PICALM: variants seen among roughly 807,000 people sequenced by gnomAD.
PICALM encodes phosphatidylinositol-binding clathrin assembly protein.
A neutral mutation model predicts 80.5 loss-of-function variants in PICALM; 40 were observed. The observed-to-expected ratio is 0.50, with a 90% CI of 0.39 to 0.65. The LOEUF (loss-of-function observed/expected upper bound fraction) is 0.65, where lower values mean the gene tolerates loss of function less well. PICALM is among the 30% of genes least tolerant of loss of function. The pLI is 0.00. For synonymous variants in PICALM, 288 were observed against 260.3 expected, an observed-to-expected ratio of 1.11 and a Z score of -1.02; for missense variants, 676 against 778.9, an observed-to-expected ratio of 0.87 and a Z score of 1.57.
chr11:85,983,838 T>C, intron 14 of PICALM, 28 bp downstream of exon 14: 1 of 901,264 alleles, frequency 1.1e-6, no homozygotes, highest in Non-Finnish European at 1.8e-6. Context: ...GACATTATAA[T>C]ATTTTTAATA....
intron 8 of PICALM, among the ~76,000 whole-genome samples, chr11:86,004,974 T>G (rs1237135616): frequency 1.3e-5 from 2 of 152,204 alleles, no homozygotes; most frequent in Admixed American, 1.3e-4. Flanking sequence ...TCAGAGATGA[T>G]AAGGAGGATG....
chr11:86,062,945 G>A (rs1013718535), intron 1 of PICALM, among the ~76,000 whole-genome samples: 3 of 152,216 alleles, frequency 2.0e-5, no homozygotes, highest in African/African-American at 7.2e-5. Context: ...TACTTTGAAA[G>A]TCTAAGGCTA....
At chr11:85,967,627 G>T (rs1306659329) in intron 19 of PICALM, among the ~76,000 whole-genome samples, 1 of 152,206 alleles carries the variant, frequency 6.6e-6, no homozygotes, top group African/African-American at 2.4e-5. Context: ...AAGGCAAAAA[G>T]CCTTCTTCAC....
intron 11 of PICALM, among the ~76,000 whole-genome samples, chr11:85,999,619 A>G (rs1320615508): frequency 6.6e-6 from 1 of 152,246 alleles, no homozygotes; most frequent in Non-Finnish European, 1.5e-5. Context: ...CTAAGATTTC[A>G]GGGAGCAGGT....
At chr11:86,003,597 G>C in intron 8 of PICALM, 146 bp from the exon 9 acceptor site, 1 of 415,750 alleles carries the variant, frequency 2.4e-6, no homozygotes, top group Non-Finnish European at 4.2e-6. Flanking sequence ...TACTTAATAA[G>C]AATGACAATC....
At chr11:85,975,571 T>C (rs946204220) in intron 18 of PICALM, among the ~76,000 whole-genome samples, 3 of 149,008 alleles carry the variant, frequency 2.0e-5, no homozygotes, top group South Asian at 2.1e-4. Context: ...TTTAAGTTTA[T>C]GGCCTGAGTT....
rs910328990 is a variant in PICALM, at chr11:85,974,689, T to C, written c.1944+19A>G. ...TCCAAATCAAACACATTACCACAGT[T>C]ACATGTAGTGTGTAATACCTGTGCT... is the stretch of plus-strand genomic sequence containing the variant. On this transcript the variant is annotated intron_variant, in intron 19 of 19. Coordinates refer to ENST00000393346, the MANE Select transcript of PICALM (RefSeq NM_007166.4). The C allele has an allele frequency of 9.8e-6, 14 of 1,425,824 alleles. No homozygotes were observed. The highest frequency in any genetic ancestry group is 1.3e-5 in the Non-Finnish European group (13 of 1,008,168). The allele number at this position is 1,425,824 out of a possible 1,614,324, so 88.3% of individuals were successfully genotyped here.
chr11:85,996,833 T>G lies in PICALM; in HGVS notation c.1251A>C (p.Thr417=), dbSNP rs1389338711. 1 of 1,582,742 alleles carries G rather than the reference T, an allele frequency of 6.3e-7. No homozygotes were observed. The highest frequency in any genetic ancestry group is 1.3e-5 in the African/African-American group (1 of 74,254). The part of the protein sequence containing the change: ...PMSTASQVAS[T]WGDPFSATVD... ...GAATTCATCAATGCTTACCTCCCCA[T>G]GTACTTGCTACCTGAGAAGCAGTTG... Residue 417 remains threonine (T), a synonymous_variant, in exon 12 of 20, where the codon ACA becomes ACC. Transcript: ENST00000393346.
At chr11:85,970,834 G>GT (rs2094083892) in intron 19 of PICALM, among the ~76,000 whole-genome samples, 1 of 152,160 alleles carries the variant, frequency 6.6e-6, no homozygotes, top group Admixed American at 6.5e-5. Flanking sequence ...CTCCCTAAAT[G>GT]TTTGAGTATG....
chr11:86,009,168 C>T (rs576075976), intron 7 of PICALM, among the ~76,000 whole-genome samples: 1 of 150,936 alleles, frequency 6.6e-6, no homozygotes, highest in Admixed American at 6.6e-5. Context: ...TGGCGGGCAC[C>T]TGTAATCCCA....
In PICALM at chr11:86,001,064, C is replaced by G; in HGVS notation, c.988G>C (p.Glu330Gln). The G allele has an allele frequency of 6.2e-7, 1 of 1,614,144 alleles. No individual in the cohort carries two copies. The highest frequency in any genetic ancestry group is 8.5e-7 in the Non-Finnish European group (1 of 1,179,980). The change falls in exon 10 of 20, where the codon GAA becomes CAA. Residue 330 changes from glutamate (E) to glutamine (Q), a missense_variant. Glu to Gln is a conservative substitution (Grantham distance 29). Coordinates refer to ENST00000393346, the MANE Select transcript of PICALM (RefSeq NM_007166.4). ...AAAGCTTTCAAACGTGCCTGTTCTT[C>G]CTCTAATGCTGCCTGCTTTTCCCTT... The part of the protein sequence containing the change: ...DEREKQAALE[E>Q]EQARLKALKE...
At chr11:85,974,591 C>T in intron 19 of PICALM, 117 bp downstream of exon 19, 1 of 752,030 alleles carries the variant, frequency 1.3e-6, no homozygotes, top group Non-Finnish European at 2.5e-6. Flanking sequence ...AAGCAATATC[C>T]ATAATGAAGG....
chr11:86,049,985 A>C (rs2096152371), intron 1 of PICALM, among the ~76,000 whole-genome samples: 1 of 151,840 alleles, frequency 6.6e-6, no homozygotes, highest in Non-Finnish European at 1.5e-5. Flanking sequence ...GGATCACCTG[A>C]AGTCAGGAGT....
At position 86,026,522 on chromosome 11, in the gene PICALM, A is replaced by G. The variant is rs573372710; in HGVS notation, c.274-155T>C. ...TTTCCATTAACTAGTTACCAAACCTAAAAACATAATACATATTTTTCACTA... is the reference window on the plus strand; with the variant it reads ...TTTCCATTAACTAGTTACCAAACCTGAAAACATAATACATATTTTTCACTA... On this transcript the variant is annotated intron_variant, in intron 2 of 19. Coordinates refer to ENST00000393346, the MANE Select transcript of PICALM (RefSeq NM_007166.4). Among the ~76,000 whole-genome samples, 80 of 152,344 alleles carry G rather than the reference A, an allele frequency of 5.3e-4. 2 individuals are homozygous for G. The highest frequency in any genetic ancestry group is 1.7e-3 in the African/African-American group (72 of 41,588).
At chr11:86,008,183 C>CA (rs991704888) in intron 7 of PICALM, among the ~76,000 whole-genome samples, 4 of 151,896 alleles carry the variant, frequency 2.6e-5, no homozygotes, top group African/African-American at 7.3e-5. Context: ...CAATTTCCAG[C>CA]AAAAAAAGAT....
intron 1 of PICALM, among the ~76,000 whole-genome samples, chr11:86,035,362 G>A (rs2095822704): frequency 6.6e-6 from 1 of 152,124 alleles, no homozygotes; most frequent in Admixed American, 6.5e-5. Flanking sequence ...AGTGGCCTGT[G>A]CCATCAGAAT....
chr11:85,981,034 C>G (rs139710547), intron 17 of PICALM, 95 bp downstream of exon 17: 1 of 676,718 alleles, frequency 1.5e-6, no homozygotes, highest in African/African-American at 1.8e-5. Context: ...AGTAACAATC[C>G]TTCTATTTAT....
intron 1 of PICALM, among the ~76,000 whole-genome samples, chr11:86,040,533 G>T (rs888682156): frequency 1.3e-5 from 2 of 152,032 alleles, no homozygotes; most frequent in African/African-American, 4.8e-5. Flanking sequence ...TCTTTCATAT[G>T]TATTCTAACT....
rs2094511780 is a variant in PICALM at position 85,983,976 on chromosome 11, G to A, written c.1409-3C>T. 6.9e-7 allele frequency: 1 copy of A among 1,444,264 alleles called. No individual in the cohort carries two copies. Among genetic ancestry groups the A allele is most frequent in the Non-Finnish European group, 9.7e-7 (1 of 1,034,616 alleles). 89.5% of individuals were successfully genotyped at this position (1,444,264 alleles called of 1,614,324 possible). A position where few individuals can be genotyped will look rare whatever the true frequency, so the allele number is the denominator to read the frequency against. ...TGCAACTGGAGAAGGAGTGAATCCT[G>A]AGTAAACCAAAATGGAAAAAAGCTC... On this transcript the variant is annotated splice_polypyrimidine_tract_variant and splice_region_variant and intron_variant, in intron 13 of 19. Transcript: ENST00000393346.
Sources: allele counts gnomAD v4.1 joint callset (sites outside exome capture counted in the v4.1 genomes callset), GRCh38; gene constraint gnomAD v4.1.1; transcripts MANE v1.5; gene names NCBI Gene and HGNC (gene_info 2026-07-23, HGNC 2026-07-21).